RALYL: variants seen among roughly 807,000 people sequenced by gnomAD.
RALYL encodes RNA-binding Raly-like protein.
RALYL carries 29 observed loss-of-function variants against 35.1 expected under a neutral mutation model. The observed-to-expected ratio is 0.83, with a 90% confidence interval of 0.61 to 1.13. The LOEUF (loss-of-function observed/expected upper bound fraction) is 1.13, where lower values mean the gene tolerates loss of function less well. Ranked by LOEUF, RALYL falls within the 50% of genes most tolerant of loss-of-function variation. The pLI is 0.00. For missense variants in RALYL, 359 were observed against 360.4 expected, an observed-to-expected ratio of 1.00 and a Z score of 0.03; for synonymous variants, 120 against 127.6, an observed-to-expected ratio of 0.94 and a Z score of 0.40.
intron 1 of RALYL, among the ~76,000 whole-genome samples, chr8:84,352,547 T>C (rs1383641560): frequency 6.7e-6 from 1 of 150,230 alleles, no homozygotes; most frequent in Non-Finnish European, 1.5e-5. Context: ...TTAATAACTT[T>C]CCCAAAGCCA....
At chr8:84,510,657 A>G (rs2057534183) in intron 1 of RALYL, among the ~76,000 whole-genome samples, 2 of 152,156 alleles carry the variant, frequency 1.3e-5, no homozygotes, top group African/African-American at 2.4e-5. Context: ...CTAAAAATAC[A>G]AAATTAACTG....
intron 2 of RALYL, among the ~76,000 whole-genome samples, chr8:84,666,727 C>G (rs530945129): frequency 1.1e-4 from 16 of 152,136 alleles, no homozygotes; most frequent in African/African-American, 3.1e-4. Context: ...CGTTTCTGTG[C>G]CACCTTTCTT....
chr8:84,690,086 T>A (rs919831406), intron 2 of RALYL, among the ~76,000 whole-genome samples: 1 of 152,098 alleles, frequency 6.6e-6, no homozygotes, highest in Non-Finnish European at 1.5e-5. Context: ...CTCTGTTCAT[T>A]GCAGCATTAT....
intron 2 of RALYL, among the ~76,000 whole-genome samples, chr8:84,731,546 T>C (rs1846178107): frequency 6.6e-6 from 1 of 152,176 alleles, no homozygotes; most frequent in Non-Finnish European, 1.5e-5. Context: ...TAAATTGTTC[T>C]ATAATCCATC....
At chr8:84,580,946 C>A (rs748701545) in intron 2 of RALYL, among the ~76,000 whole-genome samples, 5 of 152,100 alleles carry the variant, frequency 3.3e-5, no homozygotes, top group Non-Finnish European at 1.5e-5. Context: ...GATCTAGAAT[C>A]TTCTGGAATC....
intron 1 of RALYL, among the ~76,000 whole-genome samples, chr8:84,463,593 A>T (rs1361838516): frequency 6.6e-6 from 1 of 152,062 alleles, no homozygotes; most frequent in East Asian, 1.9e-4. Flanking sequence ...CGTGTGTCTG[A>T]TACATATTAG....
At chr8:84,652,283 C>T (rs897482612) in intron 2 of RALYL, among the ~76,000 whole-genome samples, 5 of 152,056 alleles carry the variant, frequency 3.3e-5, no homozygotes, top group Admixed American at 6.6e-5. Context: ...ATAAGGTTTG[C>T]TGTTCTAATA....
intron 2 of RALYL, chr8:84,678,726 C>T (rs558632230): frequency 6.6e-6 from 1 of 152,272 alleles, no homozygotes; most frequent in African/African-American, 2.4e-5. Context: ...AGTTCACTAG[C>T]AACAGTGCAT....
chr8:84,277,183 C>A (rs1326983316), intron 1 of RALYL, among the ~76,000 whole-genome samples: 1 of 152,160 alleles, frequency 6.6e-6, no homozygotes. Context: ...AATGGTCTTA[C>A]AGTTCCACAT....
chr8:84,652,470 G>C (rs1829044344), intron 2 of RALYL, among the ~76,000 whole-genome samples: 1 of 152,062 alleles, frequency 6.6e-6, no homozygotes, highest in South Asian at 2.1e-4. Flanking sequence ...CTTCACCCAG[G>C]AAAGTATTAT....
chr8:84,554,900 G>A (rs541881174), intron 2 of RALYL, among the ~76,000 whole-genome samples: 30 of 152,184 alleles, frequency 2.0e-4, no homozygotes, highest in African/African-American at 3.6e-4. Context: ...CATGTGAGTC[G>A]CCCATTTTTT....
chr8:84,699,222 C>T (rs1364349832), intron 2 of RALYL, among the ~76,000 whole-genome samples: 1 of 152,078 alleles, frequency 6.6e-6, no homozygotes, highest in East Asian at 1.9e-4. Flanking sequence ...CCTATAAACT[C>T]AGTACTATCC....
intron 3 of RALYL, among the ~76,000 whole-genome samples, chr8:84,785,228 T>A (rs1819123625): frequency 6.6e-6 from 1 of 152,176 alleles, no homozygotes; most frequent in Non-Finnish European, 1.5e-5. Context: ...TTTTAATATT[T>A]GTTTGACATT....
At chr8:84,766,343 A>G (rs1467331634) in intron 2 of RALYL, among the ~76,000 whole-genome samples, 3 of 152,034 alleles carry the variant, frequency 2.0e-5, no homozygotes, top group Admixed American at 1.3e-4. Context: ...AGAAAAGGAT[A>G]TAATGTAGCA....
chr8:84,528,067 C>T (rs953124285), intron 1 of RALYL, among the ~76,000 whole-genome samples: 7 of 152,018 alleles, frequency 4.6e-5, no homozygotes. Flanking sequence ...AGACTTCCAC[C>T]GCCTTAATGC....
At chr8:84,634,973 A>G (rs1423394842) in intron 2 of RALYL, among the ~76,000 whole-genome samples, 1 of 151,686 alleles carries the variant, frequency 6.6e-6, no homozygotes, top group African/African-American at 2.4e-5. Context: ...AAAAGCCCAC[A>G]CCTAGTCACG....
chr8:84,779,493 A>C (rs757307106), intron 3 of RALYL, among the ~76,000 whole-genome samples: 1 of 152,220 alleles, frequency 6.6e-6, no homozygotes, highest in Non-Finnish European at 1.5e-5. Flanking sequence ...TGTAAAAATC[A>C]ATCATCTGGT....
At chr8:84,379,104 C>T (rs189568658) in intron 1 of RALYL, among the ~76,000 whole-genome samples, 74 of 151,880 alleles carry the variant, frequency 4.9e-4, no homozygotes, top group African/African-American at 1.7e-3. Flanking sequence ...CAGGCTTCAG[C>T]CTAGGAGAAG....
chr8:84,694,362 C>G (rs1838706315), intron 2 of RALYL, among the ~76,000 whole-genome samples: 1 of 151,750 alleles, frequency 6.6e-6, no homozygotes, highest in Non-Finnish European at 1.5e-5. Context: ...ATCTCGTTTA[C>G]ATAGCATCAT....
Sources: gnomAD v4.1 joint callset for allele counts (sites outside exome capture counted in the v4.1 genomes callset) on GRCh38, gnomAD v4.1.1 for gene constraint, MANE v1.5 for transcripts, NCBI Gene and HGNC (gene_info 2026-07-23, HGNC 2026-07-21) for gene names.